The following BANK1 variants were observed in gnomAD, a reference collection of about 807,000 sequenced individuals.
The protein encoded by BANK1 is B cell scaffold protein with ankyrin repeats 1, also known as B-cell scaffold protein with ankyrin repeats.
In BANK1, 95 loss-of-function variants were observed where a neutral mutation model predicts 94.5. The observed-to-expected ratio is 1.00, with a 90% CI of 0.85 to 1.19. The LOEUF (loss-of-function observed/expected upper bound fraction) is 1.19. BANK1 is among the 50% of genes most tolerant of loss of function. The pLI is 0.00. For missense variants in BANK1, 987 were observed against 932.2 expected (o/e 1.06, Z -0.77); for synonymous variants, 334 against 308.4 (o/e 1.08, Z -0.87).
At chr4:101,853,011 A>C (rs192550579) in intron 2 of BANK1, among the ~76,000 whole-genome samples, 1 of 152,106 alleles carries the variant, frequency 6.6e-6, no homozygotes, top group East Asian at 1.9e-4. Flanking sequence ...GTTTTATACA[A>C]CCTTTCACTG....
chr4:102,057,624 C>A (rs1303856983), intron 11 of BANK1, among the ~76,000 whole-genome samples: 2 of 152,154 alleles, frequency 1.3e-5, no homozygotes, highest in African/African-American at 4.8e-5. Flanking sequence ...AGCCACTGCA[C>A]CTGGACCCTA....
rs149768325 is a variant in BANK1 at position 101,978,452 on chromosome 4, A to G, written c.1207-43062A>G. Among the ~76,000 whole-genome samples, 283 of 152,242 alleles carry G rather than the reference A, an allele frequency of 1.9e-3. 1 individual carries two copies. The highest frequency in any genetic ancestry group is 6.5e-3 in the African/African-American group (272 of 41,568). ...GTACCTGGAAGGTAGTAAGTACTCAATAAACATTAGTTGCTATTATTACAA... is the reference window on the plus strand; with the variant it reads ...GTACCTGGAAGGTAGTAAGTACTCAGTAAACATTAGTTGCTATTATTACAA... On this transcript the variant is annotated intron_variant, in intron 7 of 16. Transcript: ENST00000322953.
chr4:101,936,388 C>T (rs926310988), intron 7 of BANK1, among the ~76,000 whole-genome samples: 2 of 149,592 alleles, frequency 1.3e-5, no homozygotes, highest in Non-Finnish European at 3.0e-5. Context: ...TACATGCATA[C>T]ATGCATGTAT....
At position 101,829,834 on chromosome 4, in the gene BANK1, T is replaced by C. The variant is rs1578341895; in HGVS notation, c.97T>C (p.Tyr33His). The change falls in exon 2 of 17, where the codon TAT becomes CAT. Residue 33 changes from tyrosine to histidine, a missense_variant. Transcript: ENST00000322953. ...PGNTKDIIMIYEEDAEEWALY... is the reference protein window; with the variant it reads ...PGNTKDIIMIHEEDAEEWALY... Reference sequence around the variant, plus strand: ...AAATACAAAAGATATAATAATGATATATGAAGAAGATGCTGAGGAATGGGC... The same window carrying C: ...AAATACAAAAGATATAATAATGATACATGAAGAAGATGCTGAGGAATGGGC... 6.4e-7 allele frequency: 1 copy of C among 1,564,698 alleles called. No individual in the cohort carries two copies. Among genetic ancestry groups the C allele is most frequent in the Non-Finnish European group, 8.6e-7 (1 of 1,157,594 alleles).
intron 7 of BANK1, among the ~76,000 whole-genome samples, chr4:101,971,154 C>A (rs1482827493): frequency 6.6e-6 from 1 of 152,084 alleles, no homozygotes; most frequent in Admixed American, 6.6e-5. Context: ...GTATACAGAT[C>A]ACTCTCTGGG....
chr4:101,811,845 T>G (rs1208301671), intron 1 of BANK1, among the ~76,000 whole-genome samples: 1 of 152,080 alleles, frequency 6.6e-6, no homozygotes, highest in Non-Finnish European at 1.5e-5. Context: ...AATGAGATAT[T>G]AGAATAAACT....
At chr4:101,996,094 T>C (rs1725869499) in intron 7 of BANK1, among the ~76,000 whole-genome samples, 1 of 152,200 alleles carries the variant, frequency 6.6e-6, no homozygotes, top group African/African-American at 2.4e-5. Flanking sequence ...CCATCTTGTA[T>C]AATTTTTGTA....
chr4:101,996,631 A>C (rs1725889302), intron 7 of BANK1, among the ~76,000 whole-genome samples: 2 of 152,024 alleles, frequency 1.3e-5, no homozygotes, highest in African/African-American at 4.8e-5. Flanking sequence ...TTCTCCTTGA[A>C]GAGAGGTCCT....
At chr4:102,039,361 TA>T (rs1222744641) in intron 10 of BANK1, among the ~76,000 whole-genome samples, 2 of 152,172 alleles carry the variant, frequency 1.3e-5, no homozygotes, top group East Asian at 3.8e-4. Flanking sequence ...GCTACCTACA[TA>T]CATCTTTCCT....
chr4:101,899,794 C>G, intron 6 of BANK1, among the ~76,000 whole-genome samples: 1 of 152,174 alleles, frequency 6.6e-6, no homozygotes, highest in South Asian at 2.1e-4. Flanking sequence ...ACTCCCCAGA[C>G]AAGGAATTAC....
intron 1 of BANK1, among the ~76,000 whole-genome samples, chr4:101,811,211 A>G (rs150565457): frequency 7.9e-5 from 12 of 152,272 alleles, no homozygotes; most frequent in Non-Finnish European, 1.2e-4. Context: ...AATTTCTAAG[A>G]CAGACAACTT....
chr4:101,910,893 G>A (rs1047883927), intron 6 of BANK1, among the ~76,000 whole-genome samples: 1 of 152,056 alleles, frequency 6.6e-6, no homozygotes, highest in African/African-American at 2.4e-5. Flanking sequence ...ACAGGACACA[G>A]CCCACACTCT....
intron 7 of BANK1, among the ~76,000 whole-genome samples, chr4:101,922,636 A>T (rs1406285071): frequency 6.6e-6 from 1 of 151,832 alleles, no homozygotes; most frequent in Non-Finnish European, 1.5e-5. Context: ...GAATTTTTTT[A>T]AAGTTTAGTT....
At chr4:101,920,463 A>G (rs1424660806) in intron 7 of BANK1, among the ~76,000 whole-genome samples, 1 of 151,962 alleles carries the variant, frequency 6.6e-6, no homozygotes, top group Non-Finnish European at 1.5e-5. Context: ...TCATTATACT[A>G]CTAAAATACT....
chr4:101,940,480 C>A (rs1031848351), intron 7 of BANK1, among the ~76,000 whole-genome samples: 2 of 151,654 alleles, frequency 1.3e-5, no homozygotes, highest in African/African-American at 4.8e-5. Flanking sequence ...GCTTAGTTTT[C>A]TGTCATTTTT....
At chr4:101,950,701 G>A (rs1268802131) in intron 7 of BANK1, among the ~76,000 whole-genome samples, 1 of 152,164 alleles carries the variant, frequency 6.6e-6, no homozygotes, top group Non-Finnish European at 1.5e-5. Flanking sequence ...AAGTTTGAAG[G>A]GAGTGGTGGA....
chr4:102,025,831 GA>G (rs1727072497), intron 9 of BANK1, among the ~76,000 whole-genome samples: 1 of 151,612 alleles, frequency 6.6e-6, no homozygotes, highest in Non-Finnish European at 1.5e-5. Flanking sequence ...AGCTTTAAGA[GA>G]ATAAAACTTG....
Position 101,918,204 on chromosome 4 carries a change from TA to T in BANK1, c.1206+18del, listed in dbSNP as rs113138818. 3,660 of 1,346,070 alleles carry T rather than the reference TA, an allele frequency of 2.7e-3. 2 individuals are homozygous for T. The highest frequency in any genetic ancestry group is 5.0e-3 in the South Asian group (345 of 68,348). 83.4% of individuals were successfully genotyped at this position (1,346,070 alleles called of 1,614,324 possible). Reference sequence around the variant, plus strand: ...AAGACTTTTCAGTAAGTTTTTTTTTTAAATTATATCTCTGTATATTCTGTTT... The same window carrying T: ...AAGACTTTTCAGTAAGTTTTTTTTTTAATTATATCTCTGTATATTCTGTTT... On this transcript the variant is annotated intron_variant, in intron 7 of 16. Transcript: ENST00000322953.
chr4:101,990,154 A>G lies in BANK1; in HGVS notation c.1207-31360A>G, dbSNP rs767135584. ...GACTATGACTTTAGAGAATATTGGC[A>G]TATAATCAAAAAGCATCTGAGGTAC... On this transcript the variant is annotated intron_variant, in intron 7 of 16. Transcript: ENST00000322953. Among the ~76,000 whole-genome samples, 81 of 152,220 alleles carry G rather than the reference A, an allele frequency of 5.3e-4. 1 individual carries two copies. Among genetic ancestry groups the G allele is most frequent in the East Asian group, 1.9e-4 (1 of 5,200 alleles).
Sources: allele counts gnomAD v4.1 joint callset (sites outside exome capture counted in the v4.1 genomes callset), GRCh38; gene constraint gnomAD v4.1.1; transcripts MANE v1.5; gene names NCBI Gene and HGNC (gene_info 2026-07-23, HGNC 2026-07-21).